The following LRRTM4 variants were observed in gnomAD, a reference collection of about 807,000 sequenced individuals.
LRRTM4 encodes leucine rich repeat transmembrane neuronal 4, also known as leucine-rich repeat transmembrane neuronal protein 4.
LRRTM4 carries 25 observed loss-of-function variants against 47.6 expected under a neutral mutation model. The ratio of observed to expected loss-of-function variants is 0.53; its 90% confidence interval spans 0.38 to 0.73. The LOEUF is 0.73. LRRTM4 is among the 30% of genes least tolerant of loss of function. LRRTM4 has a pLI of 0.00. For missense variants in LRRTM4, 638 were observed against 713.4 expected, an observed-to-expected ratio of 0.89 and a Z score of 1.20; for synonymous variants, 311 against 269.5, an observed-to-expected ratio of 1.15 and a Z score of -1.51.
At chr2:77,039,342 AT>A (rs1678949523) in intron 3 of LRRTM4, among the ~76,000 whole-genome samples, 1 of 148,930 alleles carries the variant, frequency 6.7e-6, no homozygotes, top group African/African-American at 2.5e-5. Context: ...TTTTTTTTAA[AT>A]GAAGGCAAAT....
At chr2:77,254,041 T>C (rs979464702) in intron 3 of LRRTM4, among the ~76,000 whole-genome samples, 4 of 152,060 alleles carry the variant, frequency 2.6e-5, no homozygotes, top group African/African-American at 9.7e-5. Context: ...TATGTTTATA[T>C]ATACACACAC....
chr2:77,055,670 C>G (rs1443236303), intron 3 of LRRTM4, among the ~76,000 whole-genome samples: 4 of 152,008 alleles, frequency 2.6e-5, no homozygotes, highest in Non-Finnish European at 5.9e-5. Context: ...TACCATTTGA[C>G]CCAGCCATCC....
rs1676765476 is a variant in LRRTM4 at position 76,985,563 on chromosome 2, T to G, written c.1552-236647A>C. Among the ~76,000 whole-genome samples the G allele has an allele frequency of 2.0e-5, 3 of 151,960 alleles. No individual in the cohort carries two copies. In the Admixed American group the frequency reaches 2.0e-4, roughly 10 times the overall value. On this transcript the variant is annotated intron_variant, in intron 3 of 3. Transcript: ENST00000409884. ...CGGGTGAAAGATCTCCTCCTGAGAC[T>G]AAAGTTGCTAGCTGCTGAAAGGATG...
At chr2:77,160,349 A>T (rs1672677954) in intron 3 of LRRTM4, among the ~76,000 whole-genome samples, 1 of 152,080 alleles carries the variant, frequency 6.6e-6, no homozygotes, top group Non-Finnish European at 1.5e-5. Flanking sequence ...CACTTTCCAT[A>T]CAATTTTGTG....
At chr2:77,371,124 G>A (rs193266250) in intron 3 of LRRTM4, among the ~76,000 whole-genome samples, 66 of 151,862 alleles carry the variant, frequency 4.3e-4, no homozygotes, top group African/African-American at 1.4e-3. Flanking sequence ...ACTTACATAT[G>A]TGAATGTACC....
chr2:77,139,101 G>A (rs983425419), intron 3 of LRRTM4, among the ~76,000 whole-genome samples: 1 of 152,042 alleles, frequency 6.6e-6, no homozygotes, highest in African/African-American at 2.4e-5. Flanking sequence ...GAAAAAGAAG[G>A]AATCCTCCCT....
chr2:77,307,422 G>A (rs1444874456), intron 3 of LRRTM4, among the ~76,000 whole-genome samples: 2 of 150,094 alleles, frequency 1.3e-5, no homozygotes. Context: ...TATATGATAT[G>A]TAATGTTTAG....
chr2:77,282,996 G>A (rs183533843), intron 3 of LRRTM4, among the ~76,000 whole-genome samples: 1 of 151,072 alleles, frequency 6.6e-6, no homozygotes, highest in East Asian at 1.9e-4. Flanking sequence ...TGACAAAAAG[G>A]GAGCTTCTAC....
chr2:76,825,493 TG>T (rs1176081116), intron 3 of LRRTM4, among the ~76,000 whole-genome samples: 1 of 151,686 alleles, frequency 6.6e-6, no homozygotes, highest in Non-Finnish European at 1.5e-5. Context: ...GGGATGGAGT[TG>T]TCATTTACTG....
chr2:77,138,493 G>A (rs753726102), intron 3 of LRRTM4, among the ~76,000 whole-genome samples: 30 of 152,128 alleles, frequency 2.0e-4, no homozygotes, highest in Non-Finnish European at 3.8e-4. Flanking sequence ...GAAATTTATA[G>A]CACCAAATGC....
intron 3 of LRRTM4, among the ~76,000 whole-genome samples, chr2:77,196,888 C>T (rs1040528925): frequency 1.3e-5 from 2 of 151,952 alleles, no homozygotes; most frequent in Admixed American, 6.6e-5. Flanking sequence ...GTCAGGATGG[C>T]CTAAGAAATA....
intron 3 of LRRTM4, among the ~76,000 whole-genome samples, chr2:76,945,089 AG>A (rs1675279501): frequency 6.6e-6 from 1 of 152,086 alleles, no homozygotes; most frequent in Admixed American, 6.5e-5. Context: ...TTTTTGGCCA[AG>A]GTCACAGATA....
intron 3 of LRRTM4, among the ~76,000 whole-genome samples, chr2:76,948,205 A>G (rs1248123828): frequency 6.6e-6 from 1 of 151,822 alleles, no homozygotes; most frequent in Non-Finnish European, 1.5e-5. Context: ...TTTCTCCCAC[A>G]GTATTTGTTA....
chr2:77,315,794 T>G (rs1198668404), intron 3 of LRRTM4, among the ~76,000 whole-genome samples: 2 of 152,136 alleles, frequency 1.3e-5, no homozygotes, highest in African/African-American at 2.4e-5. Flanking sequence ...AACTAACTCT[T>G]CAAAATGTGA....
At chr2:77,517,938 C>T (rs1005479866) in intron 3 of LRRTM4, 3 of 1,001,530 alleles carry the variant, frequency 3.0e-6, no homozygotes, top group African/African-American at 1.7e-5. Flanking sequence ...ATTAAGCTGG[C>T]CCTCTTCTTT....
intron 3 of LRRTM4, among the ~76,000 whole-genome samples, chr2:76,782,965 A>T (rs1339092690): frequency 6.6e-6 from 1 of 152,202 alleles, no homozygotes; most frequent in South Asian, 2.1e-4. Context: ...CAAAGATTGT[A>T]GATTTCTTAA....
At position 77,283,773 on chromosome 2, in the gene LRRTM4, A is replaced by G. The variant is rs1401965939; in HGVS notation, c.1551+234545T>C. ...AATTATAAATGGGAACCTAAACATT[A>G]GATACTCATGGACTTAACTTGGCAA... On this transcript the variant is annotated intron_variant, in intron 3 of 3. Transcript: ENST00000409884. Among the ~76,000 whole-genome samples the G allele has an allele frequency of 2.0e-5, 3 of 152,126 alleles. No individual in the cohort carries two copies. In the East Asian group the frequency reaches 5.8e-4, roughly 29 times the overall value.
chr2:76,823,599 T>C (rs1301026871), intron 3 of LRRTM4, among the ~76,000 whole-genome samples: 1 of 150,952 alleles, frequency 6.6e-6, no homozygotes, highest in Non-Finnish European at 1.5e-5. Context: ...CACAGCATTA[T>C]ATGTAATAGA....
At chr2:76,782,117 T>C (rs184597683) in intron 3 of LRRTM4, among the ~76,000 whole-genome samples, 1 of 152,344 alleles carries the variant, frequency 6.6e-6, no homozygotes, top group Admixed American at 6.5e-5. Flanking sequence ...GCCTTTCTTA[T>C]AGCTATCTTG....
Sources: allele counts gnomAD v4.1 joint callset (sites outside exome capture counted in the v4.1 genomes callset), GRCh38; gene constraint gnomAD v4.1.1; transcripts MANE v1.5; gene names NCBI Gene and HGNC (gene_info 2026-07-23, HGNC 2026-07-21).